Variants in RADIL observed in about 807,000 individuals in gnomAD.
The protein encoded by RADIL is Rap associating with DIL domain.
In RADIL, 99 loss-of-function variants were observed where a neutral mutation model predicts 97.6. The observed-to-expected ratio is 1.01, with a 90% CI of 0.86 to 1.20. The LOEUF (loss-of-function observed/expected upper bound fraction) is 1.20. RADIL is among the 50% of genes most tolerant of loss of function. The probability of loss-of-function intolerance (pLI) is 0.00; values close to 1 mark genes in which losing one functional copy is unlikely to be tolerated. For synonymous variants in RADIL, 803 were observed against 691.8 expected, an observed-to-expected ratio of 1.16 and a Z score of -2.52; for missense variants, 1,765 against 1,498.9, an observed-to-expected ratio of 1.18 and a Z score of -2.93.
At chr7:4,863,726 T>C (rs1784073297) in intron 2 of RADIL, among the ~76,000 whole-genome samples, 1 of 152,242 alleles carries the variant, frequency 6.6e-6, no homozygotes, top group African/African-American at 2.4e-5. Context: ...CAGATTCTTC[T>C]TACTCCATTT....
chr7:4,837,835 C>T lies in RADIL; in HGVS notation c.536-1230G>A. On this transcript the variant is annotated intron_variant, in intron 2 of 14. Coordinates refer to ENST00000399583, the MANE Select transcript of RADIL (RefSeq NM_018059.5). This position sits in a 1 kb window ranked among gnomAD's most constrained non-coding sequence, Gnocchi z 5.6. ...ATAGATGAAAACCGCTCACCAGTCC[C>T]CAGCTGACCCGGCGCTGTCTTTTCT... The T allele has an allele frequency of 2.0e-6, 2 of 985,442 alleles. No individual in the cohort carries two copies. The highest frequency in any genetic ancestry group is 1.7e-5 in the African/African-American group (1 of 57,368). The allele number at this position is 985,442 out of a possible 1,614,324, so 61.0% of individuals were successfully genotyped here.
chr7:4,847,455 A>G (rs1229793998), intron 2 of RADIL, among the ~76,000 whole-genome samples: 21 of 152,354 alleles, frequency 1.4e-4, no homozygotes, highest in Non-Finnish European at 5.9e-5. Flanking sequence ...AATGTTACAC[A>G]TGAATTTACC....
rs576741835 is a variant in RADIL, at chr7:4,835,620, C to T, written c.784-381G>A. On this transcript the variant is annotated intron_variant, in intron 3 of 14. Coordinates refer to ENST00000399583, the MANE Select transcript of RADIL (RefSeq NM_018059.5). The surrounding 1 kb of genome is among the most constrained non-coding windows in gnomAD (Gnocchi z 5.8). ...GGGAGCACTGCCGCCTGTGTGGGAG[C>T]ACCACCCCCAGTGTGGGAGCACTGC... Among the ~76,000 whole-genome samples the T allele has an allele frequency of 6.6e-5, 10 of 151,952 alleles. No homozygotes were observed. The South Asian group carries it at 2.1e-3, about 32-fold the overall frequency.
In RADIL at chr7:4,814,162, G is replaced by C. The variant is rs1197084122; in HGVS notation, c.2139+1116C>G. Among the ~76,000 whole-genome samples the C allele has an allele frequency of 6.6e-6, 1 of 152,082 alleles. No homozygotes were observed. The highest frequency in any genetic ancestry group is 2.4e-5 in the African/African-American group (1 of 41,412). ...AATCGCATTGCTTTTGCCTCCTCTA[G>C]ATTTTATCCTCATGGGTTTGTGGCA... On this transcript the variant is annotated intron_variant, in intron 9 of 14. Transcript: ENST00000399583. The surrounding 1 kb of genome is among the most constrained non-coding windows in gnomAD (Gnocchi z 4.5).
At chr7:4,856,461 A>C (rs1783833567) in intron 2 of RADIL, among the ~76,000 whole-genome samples, 1 of 152,126 alleles carries the variant, frequency 6.6e-6, no homozygotes, top group Admixed American at 6.5e-5. Flanking sequence ...TATATTCTGG[A>C]TAGTAATCAT....
chr7:4,868,110 T>G (rs183655603), intron 2 of RADIL, among the ~76,000 whole-genome samples: 3 of 152,302 alleles, frequency 2.0e-5, no homozygotes, highest in African/African-American at 7.2e-5. Context: ...TCGCCCAGGC[T>G]GGAGTGCAGT....
chr7:4,801,665 C>T lies in RADIL; in HGVS notation c.2830G>A (p.Ala944Thr), dbSNP rs756409061. 2 of 1,598,568 alleles carry T rather than the reference C, an allele frequency of 1.3e-6. No homozygotes were observed. The highest frequency in any genetic ancestry group is 1.7e-6 in the Non-Finnish European group (2 of 1,173,954). The change falls in exon 12 of 15, where the codon GCA (alanine) becomes ACA (threonine). Residue 944 changes from alanine to threonine, a missense_variant. Transcript: ENST00000399583. ...QRNGLSGLRGAAPEGDSAALA... is the reference protein window; with the variant it reads ...QRNGLSGLRGTAPEGDSAALA... ...AGGCAGGGCTCACCTTCCGGAGCTGCACCCCGGAGGCCGCTGAGTCCGTTC... is the reference window on the plus strand; with the variant it reads ...AGGCAGGGCTCACCTTCCGGAGCTGTACCCCGGAGGCCGCTGAGTCCGTTC...
chr7:4,861,017 A>G (rs1192723986), intron 2 of RADIL: 1 of 1,614,094 alleles, frequency 6.2e-7, no homozygotes, highest in African/African-American at 1.3e-5. Flanking sequence ...AGTTGACGCT[A>G]CTGCATTTGG....
At chr7:4,844,516 A>G (rs1380214359) in intron 2 of RADIL, among the ~76,000 whole-genome samples, 3 of 152,232 alleles carry the variant, frequency 2.0e-5, no homozygotes, top group African/African-American at 7.2e-5. Flanking sequence ...TGTATGTAGG[A>G]AATGCAAAAG....
rs75788898 is a variant in RADIL at position 4,880,014 on chromosome 7, C to A, written c.-64-1811G>T. Among the ~76,000 whole-genome samples, 3 of 152,184 alleles carry A rather than the reference C, an allele frequency of 2.0e-5. No individual in the cohort carries two copies. Among genetic ancestry groups the A allele is most frequent in the Non-Finnish European group, 4.4e-5 (3 of 68,030 alleles). On this transcript the variant is annotated intron_variant, in intron 1 of 14. Coordinates refer to ENST00000399583, the MANE Select transcript of RADIL (RefSeq NM_018059.5). This position sits in a 1 kb window ranked among gnomAD's most constrained non-coding sequence, Gnocchi z 4.5. ...CGCACACCAGAGACTGGGTTCCCAACGCGGACGTCTGCCCTGCGGGGTGGG... is the reference window on the plus strand; with the variant it reads ...CGCACACCAGAGACTGGGTTCCCAAAGCGGACGTCTGCCCTGCGGGGTGGG...
At chr7:4,861,650 T>G (rs1323591160) in intron 2 of RADIL, 2 of 1,606,738 alleles carry the variant, frequency 1.2e-6, no homozygotes, top group East Asian at 4.5e-5. Flanking sequence ...CTCTTCCTCT[T>G]CGAAGACCCC....
intron 2 of RADIL, among the ~76,000 whole-genome samples, chr7:4,847,739 CAAAAAA>C (rs56177809): frequency 0.029 from 681 of 23,736 alleles, 4 homozygotes; most frequent in Middle Eastern, 0.1. Context: ...AAGCTAGATG[CAAAAAA>C]AAAAAAAAAA....
chr7:4,861,842 C>CCCACCACCGCGACCTTCACGTCCT, intron 2 of RADIL: 1 of 1,395,734 alleles, frequency 7.2e-7, no homozygotes, highest in Non-Finnish European at 9.3e-7. Flanking sequence ...GGGCACGTCC[C>CCCACCACCGCGACCTTCACGTCCT]CCACCACCGC....
chr7:4,799,175 C>G lies in RADIL; in HGVS notation c.*203G>C. On this transcript the variant is annotated 3_prime_UTR_variant, in exon 15 of 15. Transcript: ENST00000399583. ...GTCTTTAAACATAAAAGCTCTGTAACAAACATCACAATTTCACGTCATCTG... is the reference window on the plus strand; with the variant it reads ...GTCTTTAAACATAAAAGCTCTGTAAGAAACATCACAATTTCACGTCATCTG... 2 of 586,700 alleles carry G rather than the reference C, an allele frequency of 3.4e-6. No individual in the cohort carries two copies. Among genetic ancestry groups the G allele is most frequent in the South Asian group, 2.0e-5 (1 of 49,526 alleles). The allele number at this position is 586,700 out of a possible 1,614,324, so 36.3% of individuals were successfully genotyped here.
rs750572013 is a variant in RADIL at position 4,840,180 on chromosome 7, G to A, written c.536-3575C>T. Among the ~76,000 whole-genome samples the A allele has an allele frequency of 4.6e-5, 7 of 152,118 alleles. No individual in the cohort carries two copies. The highest frequency in any genetic ancestry group is 5.9e-5 in the Non-Finnish European group (4 of 68,016). ...CCCAGCACTCTGCTCCCAGGGGGTC[G>A]GCTGTCAGGCTTGTTGGGGGCCGAC... On this transcript the variant is annotated intron_variant, in intron 2 of 14. Transcript: ENST00000399583. This position sits in a 1 kb window ranked among gnomAD's most constrained non-coding sequence, Gnocchi z 5.6.
Position 4,799,076 on chromosome 7 carries a change from C to G in RADIL, c.*302G>C, listed in dbSNP as rs974118693. On this transcript the variant is annotated 3_prime_UTR_variant, in exon 15 of 15. Transcript: ENST00000399583. The stretch of plus-strand genomic sequence containing the variant: ...CCTCCGAGCAGCCCACGCCTGCTGC[C>G]CGAGTTGAGACCCCAGCAGGGCACC... 3 of 376,258 alleles carry G rather than the reference C, an allele frequency of 8.0e-6. No individual in the cohort carries two copies. The highest frequency in any genetic ancestry group is 4.0e-5 in the Admixed American group (1 of 25,028). The allele number at this position is 376,258 out of a possible 1,614,324, so 23.3% of individuals were successfully genotyped here.
In RADIL at chr7:4,840,981, C is replaced by T. The variant is rs1157379817; in HGVS notation, c.536-4376G>A. ...GACTCCGTCTCAAAACAAAACAAAACAACAACAACGAAAAGAAACCACTAT... is the reference window on the plus strand; with the variant it reads ...GACTCCGTCTCAAAACAAAACAAAATAACAACAACGAAAAGAAACCACTAT... On this transcript the variant is annotated intron_variant, in intron 2 of 14. Transcript: ENST00000399583. This position sits in a 1 kb window ranked among gnomAD's most constrained non-coding sequence, Gnocchi z 5.6. Among the ~76,000 whole-genome samples, 1 of 152,146 alleles carries T rather than the reference C, an allele frequency of 6.6e-6. No homozygotes were observed. The highest frequency in any genetic ancestry group is 2.4e-5 in the African/African-American group (1 of 41,436).
At position 4,865,576 on chromosome 7, in the gene RADIL, G is replaced by A. The variant is rs1298766365; in HGVS notation, c.535+12029C>T. 3 of 792,074 alleles carry A rather than the reference G, an allele frequency of 3.8e-6. No homozygotes were observed. In the African/African-American group the frequency reaches 5.1e-5, roughly 13 times the overall value. 49.1% of individuals were successfully genotyped at this position (792,074 alleles called of 1,614,324 possible). A position where few individuals can be genotyped will look rare whatever the true frequency, so the allele number is the denominator to read the frequency against. Reference sequence around the variant, plus strand: ...ACTTCAAATACCTTTTTGAGAAAGGGACCTCGGATGTCACAGTGATCTTGC... The same window carrying A: ...ACTTCAAATACCTTTTTGAGAAAGGAACCTCGGATGTCACAGTGATCTTGC... On this transcript the variant is annotated intron_variant, in intron 2 of 14. Coordinates refer to ENST00000399583, the MANE Select transcript of RADIL (RefSeq NM_018059.5).
chr7:4,868,440 T>A (rs1784179239), intron 2 of RADIL, among the ~76,000 whole-genome samples: 1 of 152,206 alleles, frequency 6.6e-6, no homozygotes, highest in Non-Finnish European at 1.5e-5. Context: ...CCTCACAACT[T>A]CTTTGCCTTG....
Sources: allele counts gnomAD v4.1 joint callset (sites outside exome capture counted in the v4.1 genomes callset), GRCh38; gene constraint gnomAD v4.1.1; non-coding constraint Gnocchi (gnomAD v3.1); transcripts MANE v1.5; gene names NCBI Gene and HGNC (gene_info 2026-07-23, HGNC 2026-07-21).